Variants in CYBRD1 observed in about 807,000 individuals in gnomAD.
CYBRD1 encodes plasma membrane ascorbate-dependent reductase CYBRD1.
Under a neutral mutation model 21.9 loss-of-function variants are expected in CYBRD1, and 14 were observed. That is an observed-to-expected ratio of 0.64 (90% CI 0.42 to 1.00). CYBRD1 has a LOEUF of 1.00. Among genes scored for constraint, CYBRD1 ranks in the 50% least tolerant of loss-of-function variants. CYBRD1 has a pLI of 0.00. For synonymous variants in CYBRD1, 146 were observed against 136.5 expected (o/e 1.07, Z -0.48); for missense variants, 328 against 352.5 (o/e 0.93, Z 0.56).
At chr2:171,530,575 G>A (rs1176718826) in intron 1 of CYBRD1, among the ~76,000 whole-genome samples, 1 of 152,144 alleles carries the variant, frequency 6.6e-6, no homozygotes, top group Non-Finnish European at 1.5e-5. Flanking sequence ...GCTCACTCCT[G>A]GCAAAACAGG....
chr2:171,550,628 G>A (rs1022511656), intron 2 of CYBRD1, among the ~76,000 whole-genome samples: 5 of 152,122 alleles, frequency 3.3e-5, no homozygotes, highest in African/African-American at 7.2e-5. Context: ...ATTCTGTAAT[G>A]TTTTTCTTTT....
intron 1 of CYBRD1, chr2:171,523,315 A>T (rs1345059868): frequency 1.0e-5 from 4 of 400,886 alleles, no homozygotes; most frequent in South Asian, 7.6e-5. Context: ...GGCCCTGGGT[A>T]AAGGGGCTGG....
chr2:171,528,727 C>G (rs1405854297), intron 1 of CYBRD1, among the ~76,000 whole-genome samples: 1 of 152,204 alleles, frequency 6.6e-6, no homozygotes, highest in African/African-American at 2.4e-5. Flanking sequence ...CTCAAACTCT[C>G]TACTTGAATA....
chr2:171,528,206 C>G (rs1697412405), intron 1 of CYBRD1, among the ~76,000 whole-genome samples: 1 of 152,136 alleles, frequency 6.6e-6, no homozygotes, highest in African/African-American at 2.4e-5. Flanking sequence ...CTGCCTCAGC[C>G]TCCAGAGTAG....
chr2:171,546,220 C>T (rs1697711275), intron 2 of CYBRD1, among the ~76,000 whole-genome samples: 1 of 152,174 alleles, frequency 6.6e-6, no homozygotes, highest in Non-Finnish European at 1.5e-5. Context: ...TTAGGTTCAT[C>T]CATTTGATAG....
chr2:171,549,651 C>G (rs1249557290), intron 2 of CYBRD1, among the ~76,000 whole-genome samples: 1 of 152,156 alleles, frequency 6.6e-6, no homozygotes, highest in South Asian at 2.1e-4. Context: ...TCCCTTTAGG[C>G]TTTTATTATG....
chr2:171,553,262 A>G, intron 2 of CYBRD1, 84 bp from the exon 3 acceptor site: 2 of 1,499,790 alleles, frequency 1.3e-6, no homozygotes, highest in African/African-American at 1.4e-5. Flanking sequence ...GTTTTGTCAT[A>G]TTACACATAT....
intron 2 of CYBRD1, among the ~76,000 whole-genome samples, chr2:171,552,928 C>T (rs1414289117): frequency 1.3e-5 from 2 of 152,048 alleles, no homozygotes; most frequent in African/African-American, 4.8e-5. Flanking sequence ...TTGGTAAAAA[C>T]AAACAAGTAA....
intron 2 of CYBRD1, among the ~76,000 whole-genome samples, chr2:171,548,645 TAAA>T (rs57266656): frequency 2.2e-5 from 2 of 89,962 alleles, no homozygotes. Flanking sequence ...ACCTGTACCC[TAAA>T]AAAAAAAAAA....
intron 1 of CYBRD1, among the ~76,000 whole-genome samples, chr2:171,526,448 T>C (rs60769739): frequency 0.053 from 7,824 of 147,912 alleles, 818 homozygotes; most frequent in East Asian, 0.52. Context: ...TTTCCCCCTC[T>C]CTCTCCCCAC....
chr2:171,541,882 T>G (rs1574439673), intron 2 of CYBRD1, 89 bp downstream of exon 2: 1 of 1,004,542 alleles, frequency 1.0e-6, no homozygotes, highest in Non-Finnish European at 1.4e-6. Context: ...TTTTTTTTTT[T>G]GAGACAGAGT....
intron 1 of CYBRD1, chr2:171,541,110 G>T (rs1697624730): frequency 5.4e-6 from 1 of 186,680 alleles, no homozygotes; most frequent in South Asian, 1.1e-4. Context: ...GCATAAATCA[G>T]ATTGTTAAGA....
intron 2 of CYBRD1, among the ~76,000 whole-genome samples, chr2:171,548,645 T>TTAA (rs534998142): frequency 1.1e-5 from 1 of 89,968 alleles, no homozygotes; most frequent in Admixed American, 1.3e-4. Flanking sequence ...ACCTGTACCC[T>TTAA]AAAAAAAAAA....
chr2:171,530,173 A>G (rs543364181), intron 1 of CYBRD1, among the ~76,000 whole-genome samples: 73 of 152,344 alleles, frequency 4.8e-4, no homozygotes, highest in African/African-American at 1.7e-3. Context: ...CTTCTCCCTC[A>G]GGACCATCCT....
chr2:171,539,648 A>C (rs931515697), intron 1 of CYBRD1, among the ~76,000 whole-genome samples: 2 of 152,170 alleles, frequency 1.3e-5, no homozygotes, highest in African/African-American at 4.8e-5. Flanking sequence ...AAATTAACTG[A>C]ATGTTGGTTA....
chr2:171,552,043 G>A (rs954123082), intron 2 of CYBRD1, among the ~76,000 whole-genome samples: 15 of 152,234 alleles, frequency 9.9e-5, no homozygotes, highest in African/African-American at 3.6e-4. Context: ...TTCTAGATCT[G>A]AGTCATGTCT....
chr2:171,550,226 C>G (rs1051871406), intron 2 of CYBRD1, among the ~76,000 whole-genome samples: 3 of 152,208 alleles, frequency 2.0e-5, no homozygotes, highest in African/African-American at 7.2e-5. Context: ...TTGCTTCAGC[C>G]TCCAGAGTAG....
chr2:171,542,924 G>C (rs1188034499), intron 2 of CYBRD1, among the ~76,000 whole-genome samples: 1 of 151,936 alleles, frequency 6.6e-6, no homozygotes, highest in Non-Finnish European at 1.5e-5. Context: ...TAATTAAAAT[G>C]GTTCCCAGAG....
Position 171,534,005 on chromosome 2 carries a change from C to T in CYBRD1, c.194-7580C>T, listed in dbSNP as rs566946139. Among the ~76,000 whole-genome samples the T allele has an allele frequency of 1.2e-4, 19 of 152,176 alleles. No homozygotes were observed. In the Middle Eastern group the frequency reaches 0.01, roughly 82 times the overall value. The stretch of plus-strand genomic sequence containing the variant: ...ACAGGCGTGAGCCACCACACCCAGC[C>T]GACATTTTCTAATAATTAAACCCAA... On this transcript the variant is annotated intron_variant, in intron 1 of 3. Coordinates refer to ENST00000321348, the MANE Select transcript of CYBRD1 (RefSeq NM_024843.4).
Sources: gnomAD v4.1 joint callset for allele counts (sites outside exome capture counted in the v4.1 genomes callset) on GRCh38, gnomAD v4.1.1 for gene constraint, MANE v1.5 for transcripts, NCBI Gene and HGNC (gene_info 2026-07-23, HGNC 2026-07-21) for gene names.